Variants in AK5 observed in about 807,000 individuals in gnomAD.
AK5 encodes the protein adenylate kinase isoenzyme 5.
In AK5, 27 loss-of-function variants were observed where a neutral mutation model predicts 69.5. That is an observed-to-expected ratio of 0.39 (90% confidence interval 0.29 to 0.54). The LOEUF (loss-of-function observed/expected upper bound fraction) is 0.54, where lower values mean the gene tolerates loss of function less well. AK5 is among the 20% of genes least tolerant of loss of function. The pLI, the probability that AK5 is intolerant of heterozygous loss-of-function variation, is 0.71. For synonymous variants in AK5, 260 were observed against 244.4 expected (o/e 1.06, Z -0.60); for missense variants, 531 against 700.4 (o/e 0.76, Z 2.73).
chr1:77,498,514 A>G (rs1454106634), intron 10 of AK5, among the ~76,000 whole-genome samples: 1 of 152,226 alleles, frequency 6.6e-6, no homozygotes, highest in Non-Finnish European at 1.5e-5. Context: ...CGGCTCCTAC[A>G]TGTACAGCTG....
At chr1:77,552,594 C>G (rs773163915) in intron 13 of AK5, among the ~76,000 whole-genome samples, 12 of 152,130 alleles carry the variant, frequency 7.9e-5, no homozygotes, top group Non-Finnish European at 1.5e-4. Context: ...AGAGTGCATT[C>G]AAAGGTTGTT....
At chr1:77,502,738 T>TCC (rs1656795306) in intron 10 of AK5, among the ~76,000 whole-genome samples, 1 of 151,966 alleles carries the variant, frequency 6.6e-6, no homozygotes, top group Admixed American at 6.6e-5. Flanking sequence ...AGCAGCAGAG[T>TCC]TTAGCTGCAC....
intron 5 of AK5, among the ~76,000 whole-genome samples, chr1:77,334,739 A>G (rs1661261707): frequency 6.6e-6 from 1 of 152,176 alleles, no homozygotes; most frequent in Non-Finnish European, 1.5e-5. Context: ...AGTATCCTAA[A>G]TGAAATTTAG....
At chr1:77,500,021 C>T (rs1010899830) in intron 10 of AK5, among the ~76,000 whole-genome samples, 3 of 151,734 alleles carry the variant, frequency 2.0e-5, no homozygotes, top group Non-Finnish European at 2.9e-5. Flanking sequence ...CCCCCAAGTT[C>T]CTCAAACTCA....
At chr1:77,341,504 T>G (rs1299578969) in intron 6 of AK5, among the ~76,000 whole-genome samples, 1 of 152,138 alleles carries the variant, frequency 6.6e-6, no homozygotes, top group Non-Finnish European at 1.5e-5. Flanking sequence ...TGCATGCCCA[T>G]CCCAATAAAA....
chr1:77,508,501 A>G (rs1016840661), intron 10 of AK5, among the ~76,000 whole-genome samples: 12 of 152,178 alleles, frequency 7.9e-5, no homozygotes, highest in South Asian at 2.1e-4. Flanking sequence ...CCTCTGCTCC[A>G]AACCAGTACA....
intron 5 of AK5, among the ~76,000 whole-genome samples, chr1:77,333,349 A>G (rs1371332508): frequency 1.3e-5 from 2 of 151,964 alleles, no homozygotes; most frequent in African/African-American, 2.4e-5. Flanking sequence ...CAAGTACTTG[A>G]GTTTTGTTTT....
At chr1:77,286,680 C>G (rs534860294) in intron 1 of AK5, among the ~76,000 whole-genome samples, 9 of 151,846 alleles carry the variant, frequency 5.9e-5, no homozygotes, top group Non-Finnish European at 1.0e-4. Context: ...AACCCTGTCT[C>G]TACTAAAAAT....
chr1:77,368,563 A>G (rs892202488), intron 6 of AK5, among the ~76,000 whole-genome samples: 1 of 151,770 alleles, frequency 6.6e-6, no homozygotes, highest in Non-Finnish European at 1.5e-5. Context: ...GCTAATGATA[A>G]GCAATCATTT....
chr1:77,307,670 G>A (rs1659718875), intron 5 of AK5, among the ~76,000 whole-genome samples: 1 of 152,130 alleles, frequency 6.6e-6, no homozygotes, highest in Non-Finnish European at 1.5e-5. Context: ...TTGATTTTCT[G>A]TCTGGAAGAT....
At chr1:77,493,026 C>T (rs1284556212) in intron 10 of AK5, among the ~76,000 whole-genome samples, 1 of 152,158 alleles carries the variant, frequency 6.6e-6, no homozygotes, top group Non-Finnish European at 1.5e-5. Flanking sequence ...GAAGTGAAAT[C>T]GGGCAGCTCA....
chr1:77,282,927 G>A, intron 1 of AK5: 3 of 985,950 alleles, frequency 3.0e-6, no homozygotes, highest in Non-Finnish European at 3.6e-6. Context: ...CCGGTGACAG[G>A]CCCCCAGCCT....
At chr1:77,298,294 C>A (rs1452418892) in intron 5 of AK5, among the ~76,000 whole-genome samples, 2 of 151,928 alleles carry the variant, frequency 1.3e-5, no homozygotes, top group East Asian at 1.9e-4. Context: ...CAAAACATTA[C>A]CCTGTACTTA....
At chr1:77,476,629 T>A (rs944849852) in intron 8 of AK5, among the ~76,000 whole-genome samples, 8 of 152,130 alleles carry the variant, frequency 5.3e-5, no homozygotes, top group Non-Finnish European at 1.0e-4. Flanking sequence ...TTATGTATCA[T>A]CTCACGCCAG....
chr1:77,293,704 T>A, intron 2 of AK5, 89 bp from the exon 3 acceptor site: 3 of 1,175,858 alleles, frequency 2.6e-6, no homozygotes, highest in Non-Finnish European at 3.5e-6. Flanking sequence ...CCCATTTAAT[T>A]TTAAAATTGC....
intron 1 of AK5, chr1:77,283,744 T>C (rs758473922): frequency 1.7e-5 from 8 of 482,282 alleles, no homozygotes; most frequent in Non-Finnish European, 2.1e-5. Flanking sequence ...TTAAGAGTTG[T>C]TTTTTTTGTT....
intron 13 of AK5, among the ~76,000 whole-genome samples, chr1:77,552,030 A>T (rs987231390): frequency 6.6e-6 from 1 of 152,052 alleles, no homozygotes; most frequent in Non-Finnish European, 1.5e-5. Context: ...TTCCTCGTAA[A>T]ACCCAGTTTT....
At chr1:77,545,939 A>G (rs889687525) in intron 13 of AK5, among the ~76,000 whole-genome samples, 1 of 152,210 alleles carries the variant, frequency 6.6e-6, no homozygotes, top group African/African-American at 2.4e-5. Context: ...CAAATGAAGC[A>G]TAAGTCTTCC....
chr1:77,355,776 C>G (rs1293987274), intron 6 of AK5, among the ~76,000 whole-genome samples: 2 of 151,966 alleles, frequency 1.3e-5, no homozygotes, highest in African/African-American at 4.8e-5. Context: ...TTTCCAGCAG[C>G]TGGCTTGGAG....
Sources: allele counts gnomAD v4.1 joint callset (sites outside exome capture counted in the v4.1 genomes callset), GRCh38; gene constraint gnomAD v4.1.1; transcripts MANE v1.5; gene names NCBI Gene and HGNC (gene_info 2026-07-23, HGNC 2026-07-21).